SEC24A: variants seen among roughly 807,000 people sequenced by gnomAD.
SEC24A encodes protein transport protein Sec24A.
Under a neutral mutation model 129.4 loss-of-function variants are expected in SEC24A, and 93 were observed. The ratio of observed to expected loss-of-function variants is 0.72; its 90% confidence interval spans 0.61 to 0.85. SEC24A has a LOEUF of 0.85. SEC24A is among the 40% of genes least tolerant of loss of function. The pLI is 0.00. For synonymous variants in SEC24A, 460 were observed against 467.3 expected (o/e 0.98, Z 0.20); for missense variants, 1,264 against 1,307.4 (o/e 0.97, Z 0.51).
intron 13 of SEC24A, 67 bp from the exon 14 acceptor site, chr5:134,697,047 ATGTATGTAGATG>A: frequency 1.3e-6 from 1 of 754,094 alleles, no homozygotes; most frequent in South Asian, 2.6e-5. Flanking sequence ...TAACATCATG[ATGTATGTAGATG>A]TGTATTTAGA....
chr5:134,712,496 C>T (rs1218285609), intron 18 of SEC24A, among the ~76,000 whole-genome samples: 1 of 152,174 alleles, frequency 6.6e-6, no homozygotes, highest in Non-Finnish European at 1.5e-5. Context: ...GTGATCCGTC[C>T]TCCATGGCCT....
rs762063132 is a variant in SEC24A, at chr5:134,675,073, C to T, written c.1007C>T (p.Thr336Ile). The change falls in exon 6 of 23, where the codon ACA becomes ATA. Residue 336 changes from threonine (T) to isoleucine (I), a missense_variant. Transcript: ENST00000398844. ...CCCTTAGGTGCTAATCATTTAACCA[C>T]AAGCATGAGTGGATTAAGTCTACAA... ...QTPLGANHLT[T>I]SMSGLSLQPE... 1.9e-6 allele frequency: 3 copies of T among 1,607,058 alleles called. No homozygotes were observed. Among genetic ancestry groups the T allele is most frequent in the Non-Finnish European group, 2.6e-6 (3 of 1,175,356 alleles).
At chr5:134,718,938 C>T (rs1752554694) in intron 20 of SEC24A, among the ~76,000 whole-genome samples, 1 of 148,046 alleles carries the variant, frequency 6.8e-6, no homozygotes, top group Non-Finnish European at 1.5e-5. Context: ...CCACTGCACT[C>T]TAGCCTGGGC....
In SEC24A at chr5:134,708,703, C is replaced by T. The variant is rs1235940487; in HGVS notation, c.2552-10C>T. On this transcript the variant is annotated splice_polypyrimidine_tract_variant and intron_variant, in intron 17 of 22. Transcript: ENST00000398844. ...TATTTCTTTTTTGTCCTTACCCTCA[C>T]CTTGCTTAGCTGTTGACAGATCTAT... is the stretch of plus-strand genomic sequence containing the variant. 6.2e-7 allele frequency: 1 copy of T among 1,606,776 alleles called. No individual in the cohort carries two copies. The highest frequency in any genetic ancestry group is 1.7e-5 in the Admixed American group (1 of 58,010).
chr5:134,710,707 T>A (rs1414131612), intron 18 of SEC24A, among the ~76,000 whole-genome samples: 1 of 152,218 alleles, frequency 6.6e-6, no homozygotes. Flanking sequence ...ATGTCTCCCC[T>A]GCCTGCTCTT....
chr5:134,695,339 A>G (rs528556769), intron 13 of SEC24A, among the ~76,000 whole-genome samples: 46 of 151,726 alleles, frequency 3.0e-4, no homozygotes, highest in Non-Finnish European at 5.2e-4. Flanking sequence ...CCAACTTGGG[A>G]AACAACAACA....
Position 134,718,203 on chromosome 5 carries a change from C to G in SEC24A, c.2970+30C>G, listed in dbSNP as rs527453245. ...GTAATTTGACTTATCCTGACCCTCA[C>G]TGCAAACTACTATACTGTTTTAATT... is the stretch of plus-strand genomic sequence containing the variant. On this transcript the variant is annotated intron_variant, in intron 20 of 22. Transcript: ENST00000398844. 3.5e-6 allele frequency: 5 copies of G among 1,409,828 alleles called. No individual in the cohort carries two copies. In the African/African-American group the frequency reaches 7.0e-5, roughly 20 times the overall value. The allele number at this position is 1,409,828 out of a possible 1,614,324, so 87.3% of individuals were successfully genotyped here. A position where few individuals can be genotyped will look rare whatever the true frequency, so the allele number is the denominator to read the frequency against.
chr5:134,711,160 T>A (rs1287982878), intron 18 of SEC24A, among the ~76,000 whole-genome samples: 2 of 151,594 alleles, frequency 1.3e-5, no homozygotes, highest in African/African-American at 2.4e-5. Flanking sequence ...AAATAAAAAA[T>A]AAATAAATAA....
At chr5:134,678,975 A>G (rs1375036613) in intron 7 of SEC24A, among the ~76,000 whole-genome samples, 2 of 151,808 alleles carry the variant, frequency 1.3e-5, no homozygotes, top group African/African-American at 4.8e-5. Flanking sequence ...TTGGCCTCCC[A>G]CCAGAGTGCT....
At chr5:134,662,223 T>C (rs1750493574) in intron 2 of SEC24A, among the ~76,000 whole-genome samples, 2 of 151,988 alleles carry the variant, frequency 1.3e-5, no homozygotes, top group Non-Finnish European at 2.9e-5. Context: ...GGCGTGATCT[T>C]GGCTCACTGC....
chr5:134,675,216 G>C lies in SEC24A; in HGVS notation c.1150G>C (p.Glu384Gln). The C allele has an allele frequency of 1.2e-6, 2 of 1,607,984 alleles. No individual in the cohort carries two copies. The highest frequency in any genetic ancestry group is 1.7e-6 in the Non-Finnish European group (2 of 1,175,576). The change falls in exon 6 of 23, where the codon GAG (glutamate) becomes CAG (glutamine). Residue 384 changes from glutamate to glutamine, a missense_variant and splice_region_variant. By Grantham distance (29) the Glu-to-Gln change is conservative. Transcript: ENST00000398844. The part of the protein sequence containing the change: ...EDIQKLNCNP[E>Q]LFRCTLTSIP... The stretch of plus-strand genomic sequence containing the variant: ...CATCCAGAAACTCAACTGTAACCCA[G>C]AGTAAGGCTTCAGATGTGACATTAT...
At chr5:134,675,349 C>G (rs868678834) in intron 6 of SEC24A, 132 bp downstream of exon 6, 4 of 652,370 alleles carry the variant, frequency 6.1e-6, no homozygotes, top group African/African-American at 1.8e-5. Context: ...TGATAGAACT[C>G]TTTTACTTGT....
rs1050006241 is a variant in SEC24A at position 134,725,695 on chromosome 5, T to G, written c.*601T>G. ...AATATGAAGAAACACATTCAAGCTT[T>G]AAAATCTGTCAGTATTCTTTATGCT... On this transcript the variant is annotated 3_prime_UTR_variant, in exon 23 of 23. Coordinates refer to ENST00000398844, the MANE Select transcript of SEC24A (RefSeq NM_021982.3). The G allele has an allele frequency of 1.3e-5, 2 of 152,546 alleles. No homozygotes were observed. The highest frequency in any genetic ancestry group is 2.9e-5 in the Non-Finnish European group (2 of 67,974). The allele number at this position is 152,546 out of a possible 1,614,324, so 9.4% of individuals were successfully genotyped here. A position where few individuals can be genotyped will look rare whatever the true frequency, so the allele number is the denominator to read the frequency against.
At chr5:134,710,568 A>G (rs1041247901) in intron 18 of SEC24A, among the ~76,000 whole-genome samples, 2 of 152,074 alleles carry the variant, frequency 1.3e-5, no homozygotes, top group African/African-American at 4.8e-5. Flanking sequence ...TTATACCTGT[A>G]TACTTGCATA....
At chr5:134,665,450 C>T (rs139119922) in intron 2 of SEC24A, among the ~76,000 whole-genome samples, 3,645 of 147,602 alleles carry the variant, frequency 0.025, 64 homozygotes, top group African/African-American at 0.056. Flanking sequence ...AGTGAGACTT[C>T]GTCTCAGAAA....
intron 7 of SEC24A, among the ~76,000 whole-genome samples, chr5:134,677,462 G>A (rs1175343193): frequency 6.8e-6 from 1 of 146,516 alleles, no homozygotes; most frequent in Admixed American, 6.9e-5. Flanking sequence ...TTTATTGCCT[G>A]TATTGATTTT....
Position 134,715,317 on chromosome 5 carries a change from G to A in SEC24A, c.2865+156G>A, listed in dbSNP as rs113742044. Among the ~76,000 whole-genome samples, 864 of 152,152 alleles carry A rather than the reference G, an allele frequency of 5.7e-3. 8 individuals carry two copies. Among genetic ancestry groups the A allele is most frequent in the African/African-American group, 0.019 (789 of 41,522 alleles). ...GCTAAGTCTGAGTAAATAAATTTTA[G>A]TATAGGGAAGCTCTTAAAAATAGTG... On this transcript the variant is annotated intron_variant, in intron 19 of 22. Transcript: ENST00000398844.
At chr5:134,688,854 A>G (rs1580713903) in intron 11 of SEC24A, among the ~76,000 whole-genome samples, 1 of 151,948 alleles carries the variant, frequency 6.6e-6, no homozygotes, top group South Asian at 2.1e-4. Context: ...TAATTTTTGT[A>G]TTTTTAGTAG....
At chr5:134,657,462 A>G (rs1257727475) in intron 1 of SEC24A, among the ~76,000 whole-genome samples, 2 of 152,158 alleles carry the variant, frequency 1.3e-5, no homozygotes, top group Admixed American at 1.3e-4. Flanking sequence ...TTCATCACCC[A>G]TATTCAATTC....
Sources: gnomAD v4.1 joint callset for allele counts (sites outside exome capture counted in the v4.1 genomes callset) on GRCh38, gnomAD v4.1.1 for gene constraint, MANE v1.5 for transcripts, NCBI Gene and HGNC (gene_info 2026-07-23, HGNC 2026-07-21) for gene names.